The following CGRRF1 variants were observed in gnomAD, a reference collection of about 807,000 sequenced individuals.
CGRRF1 encodes cell growth regulator with ring finger domain 1, also known as cell growth regulator with RING finger domain protein 1.
CGRRF1 carries 32 observed loss-of-function variants against 37.2 expected under a neutral mutation model. The ratio of observed to expected loss-of-function variants is 0.86; its 90% CI spans 0.65 to 1.16. The LOEUF (loss-of-function observed/expected upper bound fraction) is 1.16. CGRRF1 is among the 50% of genes most tolerant of loss of function. The pLI, the probability that CGRRF1 is intolerant of heterozygous loss-of-function variation, is 0.00. For synonymous variants in CGRRF1, 141 were observed against 140.3 expected (o/e 1.00, Z -0.04); for missense variants, 391 against 382.6 (o/e 1.02, Z -0.18).
At chr14:54,536,272 A>C (rs1349332994) in intron 4 of CGRRF1, 3 of 148,614 alleles carry the variant, frequency 2.0e-5, no homozygotes, top group African/African-American at 7.4e-5. Context: ...TTTTTTTTTT[A>C]ATAGCTGCAT....
At chr14:54,538,036 C>T in intron 5 of CGRRF1, 27 bp from the exon 6 acceptor site, 1 of 1,526,442 alleles carries the variant, frequency 6.6e-7, no homozygotes, top group East Asian at 2.4e-5. Flanking sequence ...TTATAATAAT[C>T]TTTAAATTTA....
chr14:54,513,453 A>G (rs1401071986), intron 1 of CGRRF1, among the ~76,000 whole-genome samples: 1 of 152,248 alleles, frequency 6.6e-6, no homozygotes, highest in Non-Finnish European at 1.5e-5. Context: ...TGACAAACTC[A>G]GGTCTTCAAA....
In CGRRF1 at chr14:54,538,028, A is replaced by G. The variant is rs777947994; in HGVS notation, c.679-35A>G. On this transcript the variant is annotated intron_variant, in intron 5 of 5. Coordinates refer to ENST00000216420, the MANE Select transcript of CGRRF1 (RefSeq NM_006568.3). The stretch of plus-strand genomic sequence containing the variant: ...CAATTTTAAAGAGTAATTGTTATTT[A>G]TAATAATCTTTAAATTTATTTCTTT... 1.7e-5 allele frequency: 25 copies of G among 1,499,564 alleles called. No individual in the cohort carries two copies. The East Asian group carries it at 6.2e-4, about 37-fold the overall frequency. The allele number at this position is 1,499,564 out of a possible 1,614,324, so 92.9% of individuals were successfully genotyped here.
chr14:54,522,643 T>C (rs765755970), intron 2 of CGRRF1, 50 bp downstream of exon 2: 19 of 1,499,374 alleles, frequency 1.3e-5, no homozygotes, highest in South Asian at 2.6e-5. Flanking sequence ...CCCTCTTTTT[T>C]TAGCCCTTTT....
Position 54,530,055 on chromosome 14 carries a change from T to G in CGRRF1, c.251T>G (p.Ile84Arg), listed in dbSNP as rs1175190256. The G allele has an allele frequency of 6.2e-7, 1 of 1,606,812 alleles. No homozygotes were observed. Among genetic ancestry groups the G allele is most frequent in the Admixed American group, 1.7e-5 (1 of 59,712 alleles). ...NPSSASITTG[I>R]TLTTDCLEDS... ...TCTCCTTTGTTTTTTACAGCTGGCA[T>G]AACCTTGACAACAGATTGCCTTGAA... The change falls in exon 3 of 6, where the codon ATA becomes AGA. Residue 84 changes from isoleucine to arginine, a missense_variant. Physicochemically the swap from Ile to Arg is moderately conservative, Grantham distance 97 (BLOSUM62 -3). Transcript: ENST00000216420.
At chr14:54,524,656 G>A (rs544250987) in intron 2 of CGRRF1, among the ~76,000 whole-genome samples, 1 of 152,200 alleles carries the variant, frequency 6.6e-6, no homozygotes, top group Non-Finnish European at 1.5e-5. Flanking sequence ...GGCTCACAAA[G>A]TGCTGGGATT....
Position 54,516,003 on chromosome 14 carries a change from T to A in CGRRF1, c.104+5940T>A, listed in dbSNP as rs184463339. ...TCTGTTCTTTGTTTCTTTTCCCCTCTTTTATTTTACTAGTCTGTTTTTTGT... is the reference window on the plus strand; with the variant it reads ...TCTGTTCTTTGTTTCTTTTCCCCTCATTTATTTTACTAGTCTGTTTTTTGT... On this transcript the variant is annotated intron_variant, in intron 1 of 5. Transcript: ENST00000216420. Among the ~76,000 whole-genome samples, 11 of 152,288 alleles carry A rather than the reference T, an allele frequency of 7.2e-5. No individual in the cohort carries two copies. The East Asian group carries it at 2.1e-3, about 29-fold the overall frequency.
At chr14:54,528,406 A>G (rs1218619829) in intron 2 of CGRRF1, among the ~76,000 whole-genome samples, 1 of 152,134 alleles carries the variant, frequency 6.6e-6, no homozygotes, top group African/African-American at 2.4e-5. Flanking sequence ...GCATTTTGCT[A>G]TGATAACTAG....
In CGRRF1 at chr14:54,522,556, C is replaced by G. The variant is rs2032336905; in HGVS notation, c.207C>G (p.Gly69=). 1.2e-6 allele frequency: 2 copies of G among 1,601,974 alleles called. No individual in the cohort carries two copies. The highest frequency in any genetic ancestry group is 1.7e-6 in the Non-Finnish European group (2 of 1,175,752). ...TGAGACAAGTCAAGAATCCTTTTGG[C>G]TTAGAGATCACTAATCCATCTTCAG... ...KQMRQVKNPF[G]LEITNPSSAS... Residue 69 remains glycine (G), a synonymous_variant, in exon 2 of 6, where the codon GGC becomes GGG. Coordinates refer to ENST00000216420, the MANE Select transcript of CGRRF1 (RefSeq NM_006568.3).
At chr14:54,525,591 A>C (rs1010117975) in intron 2 of CGRRF1, among the ~76,000 whole-genome samples, 2 of 152,234 alleles carry the variant, frequency 1.3e-5, no homozygotes, top group African/African-American at 4.8e-5. Flanking sequence ...CAACAGAGTA[A>C]AATTCATTTG....
At chr14:54,514,032 A>G (rs2032176917) in intron 1 of CGRRF1, among the ~76,000 whole-genome samples, 1 of 152,100 alleles carries the variant, frequency 6.6e-6, no homozygotes, top group South Asian at 2.1e-4. Flanking sequence ...GAAGCTGCTT[A>G]CTTTTGAAAA....
chr14:54,510,214 G>A, intron 1 of CGRRF1, 151 bp downstream of exon 1: 1 of 622,070 alleles, frequency 1.6e-6, no homozygotes, highest in South Asian at 1.8e-5. Context: ...ACTTTCTCTG[G>A]GAGGAAAACA....
At chr14:54,530,727 C>T in intron 3 of CGRRF1, 176 bp from the exon 4 acceptor site, 1 of 864,158 alleles carries the variant, frequency 1.2e-6, no homozygotes. Flanking sequence ...TTAGAAGATG[C>T]TCTGTGGAGT....
At chr14:54,521,855 T>G (rs1270974973) in intron 1 of CGRRF1, among the ~76,000 whole-genome samples, 1 of 152,156 alleles carries the variant, frequency 6.6e-6, no homozygotes, top group African/African-American at 2.4e-5. Flanking sequence ...TTAAAAAAAT[T>G]CAATAAGTTC....
intron 1 of CGRRF1, among the ~76,000 whole-genome samples, chr14:54,518,155 G>A (rs2032248098): frequency 6.6e-6 from 1 of 152,154 alleles, no homozygotes; most frequent in African/African-American, 2.4e-5. Flanking sequence ...TAGGATTGCT[G>A]GGTCAAATGG....
At chr14:54,532,698 A>C (rs547421930) in intron 4 of CGRRF1, among the ~76,000 whole-genome samples, 22 of 150,100 alleles carry the variant, frequency 1.5e-4, no homozygotes, top group African/African-American at 4.2e-4. Flanking sequence ...AAGATTTGAT[A>C]AGTAAAAAAA....
intron 1 of CGRRF1, among the ~76,000 whole-genome samples, chr14:54,518,994 G>A (rs1483972995): frequency 6.6e-6 from 1 of 152,282 alleles, no homozygotes; most frequent in East Asian, 1.9e-4. Context: ...CCAGGCTGGA[G>A]TACAATGGCA....
chr14:54,524,383 A>G (rs2032374631), intron 2 of CGRRF1, among the ~76,000 whole-genome samples: 1 of 145,516 alleles, frequency 6.9e-6, no homozygotes, highest in East Asian at 2.1e-4. Flanking sequence ...GGAAAAATAT[A>G]TGTTTTTTTT....
rs1477453248 is a variant in CGRRF1 at position 54,537,764 on chromosome 14, A to G, written c.613A>G (p.Lys205Glu). ...GATTCATATTCCTGATAGGACTTAT[A>G]AACTATCCTGCAGAATATTGTATCA... ...SVIHIPDRTY[K>E]LSCRILYQYL... The change falls in exon 5 of 6, where the codon AAA becomes GAA. Residue 205 changes from lysine (K) to glutamate (E), a missense_variant. Lys to Glu is a moderately conservative substitution (Grantham distance 56). Coordinates refer to ENST00000216420, the MANE Select transcript of CGRRF1 (RefSeq NM_006568.3). The G allele has an allele frequency of 6.3e-7, 1 of 1,596,248 alleles. No homozygotes were observed. Among genetic ancestry groups the G allele is most frequent in the East Asian group, 2.3e-5 (1 of 44,240 alleles).
Sources: gnomAD v4.1 joint callset for allele counts (sites outside exome capture counted in the v4.1 genomes callset) on GRCh38, gnomAD v4.1.1 for gene constraint, MANE v1.5 for transcripts, NCBI Gene and HGNC (gene_info 2026-07-23, HGNC 2026-07-21) for gene names.